Variants in ERBIN observed in about 807,000 individuals in gnomAD.
ERBIN encodes densin-180-like protein.
Under a neutral mutation model 158.4 loss-of-function variants are expected in ERBIN, and 60 were observed. That is an observed-to-expected ratio of 0.38 (90% CI 0.31 to 0.47). The LOEUF (loss-of-function observed/expected upper bound fraction) is 0.47. Among genes scored for constraint, ERBIN ranks in the 20% least tolerant of loss-of-function variants. The pLI is 0.99. For missense variants in ERBIN, 1,610 were observed against 1,648.0 expected (o/e 0.98, Z 0.40); for synonymous variants, 594 against 557.2 (o/e 1.07, Z -0.93).
chr5:65,957,264 A>T (rs1747266105), intron 1 of ERBIN, among the ~76,000 whole-genome samples: 2 of 150,620 alleles, frequency 1.3e-5, no homozygotes, highest in South Asian at 4.2e-4. Context: ...TGTTTCTCGC[A>T]GAGGGGGATT....
intron 14 of ERBIN, among the ~76,000 whole-genome samples, chr5:66,034,566 C>T (rs1025205776): frequency 1.6e-4 from 24 of 151,120 alleles, no homozygotes; most frequent in African/African-American, 4.4e-4. Context: ...GGATTACAGG[C>T]GTGAGCCACC....
chr5:66,072,104 G>A (rs536866524), intron 21 of ERBIN, 65 bp from the exon 22 acceptor site: 5 of 1,502,196 alleles, frequency 3.3e-6, no homozygotes, highest in African/African-American at 1.4e-5. Flanking sequence ...TCTCTCAAGT[G>A]TCATCCTCTT....
chr5:65,927,007 C>G (rs1439175925), intron 1 of ERBIN, among the ~76,000 whole-genome samples: 2 of 151,308 alleles, frequency 1.3e-5, no homozygotes, highest in Non-Finnish European at 2.9e-5. Flanking sequence ...GCCCCCCCCA[C>G]CATCTGGACT....
intron 1 of ERBIN, among the ~76,000 whole-genome samples, chr5:65,958,201 C>T (rs1459472522): frequency 6.6e-6 from 1 of 152,038 alleles, no homozygotes; most frequent in East Asian, 1.9e-4. Flanking sequence ...AGACGCTCCT[C>T]ACTTCCCAGA....
chr5:65,938,998 A>G lies in ERBIN; in HGVS notation c.-58+12192A>G, dbSNP rs556078620. Among the ~76,000 whole-genome samples the G allele has an allele frequency of 1.3e-3, 201 of 152,338 alleles. 1 individual carries two copies. In the Middle Eastern group the frequency reaches 0.034, roughly 26 times the overall value. On this transcript the variant is annotated intron_variant, in intron 1 of 25. Coordinates refer to ENST00000284037, the MANE Select transcript of ERBIN (RefSeq NM_001253697.2). ...TCTCTAAGAAATTAATACTAATTATAAACATTTTCTTTGAACTGCTTAGTA... is the reference window on the plus strand; with the variant it reads ...TCTCTAAGAAATTAATACTAATTATGAACATTTTCTTTGAACTGCTTAGTA...
chr5:65,929,203 T>A (rs932888290), intron 1 of ERBIN, among the ~76,000 whole-genome samples: 5 of 152,234 alleles, frequency 3.3e-5, no homozygotes, highest in Admixed American at 2.6e-4. Context: ...ACATATATCA[T>A]TGGCAAATCT....
At chr5:66,008,380 C>G (rs551636920) in intron 4 of ERBIN, among the ~76,000 whole-genome samples, 1 of 152,288 alleles carries the variant, frequency 6.6e-6, no homozygotes, top group East Asian at 1.9e-4. Context: ...GATCGCGCCA[C>G]TGCACTCCAG....
intron 1 of ERBIN, among the ~76,000 whole-genome samples, chr5:65,973,565 G>T (rs1160476688): frequency 6.6e-6 from 1 of 151,256 alleles, no homozygotes; most frequent in African/African-American, 2.5e-5. Context: ...CTCAAATCAG[G>T]TCATGCTTTT....
At chr5:65,973,253 T>C (rs1282687841) in intron 1 of ERBIN, among the ~76,000 whole-genome samples, 6 of 140,930 alleles carry the variant, frequency 4.3e-5, no homozygotes, top group Non-Finnish European at 9.1e-5. Context: ...GGGCCTGTTG[T>C]GGGGTGGGGG....
chr5:66,050,132 A>G (rs1194523113), intron 19 of ERBIN, among the ~76,000 whole-genome samples: 3 of 151,890 alleles, frequency 2.0e-5, no homozygotes, highest in South Asian at 4.1e-4. Flanking sequence ...CAGTTTTTCA[A>G]ATTGTAAATG....
At chr5:65,974,055 C>G (rs770410699) in intron 1 of ERBIN, among the ~76,000 whole-genome samples, 1 of 150,866 alleles carries the variant, frequency 6.6e-6, no homozygotes, top group Non-Finnish European at 1.5e-5. Context: ...GGCAACATAG[C>G]GAAACTCCAT....
At chr5:65,959,136 A>T (rs1328680278) in intron 1 of ERBIN, among the ~76,000 whole-genome samples, 1 of 152,216 alleles carries the variant, frequency 6.6e-6, no homozygotes, top group East Asian at 1.9e-4. Context: ...TTCCACTAAG[A>T]ATGCGATAAT....
intron 21 of ERBIN, among the ~76,000 whole-genome samples, chr5:66,057,122 A>G (rs988132532): frequency 6.6e-6 from 1 of 152,350 alleles, no homozygotes; most frequent in African/African-American, 2.4e-5. Flanking sequence ...TTTCAAAAAA[A>G]TTTTTTAAAA....
At chr5:66,018,472 ATT>A (rs1491386048) in intron 7 of ERBIN, among the ~76,000 whole-genome samples, 3 of 4,472 alleles carry the variant, frequency 6.7e-4, no homozygotes, top group African/African-American at 1.1e-3. Flanking sequence ...TATAATATAT[ATT>A]ATATATTATA....
At chr5:65,956,311 C>T (rs937661113) in intron 1 of ERBIN, among the ~76,000 whole-genome samples, 1 of 150,614 alleles carries the variant, frequency 6.6e-6, no homozygotes, top group African/African-American at 2.4e-5. Flanking sequence ...TGCATGCATT[C>T]ATTTACTTAT....
At chr5:66,055,040 T>C in intron 21 of ERBIN, 89 bp downstream of exon 21, 1 of 1,438,878 alleles carries the variant, frequency 6.9e-7, no homozygotes, top group Non-Finnish European at 9.1e-7. Context: ...GAATTACTGA[T>C]TATCTCTTTA....
chr5:65,990,550 C>T (rs552920213), intron 2 of ERBIN, among the ~76,000 whole-genome samples: 6 of 145,914 alleles, frequency 4.1e-5, no homozygotes, highest in Non-Finnish European at 8.8e-5. Context: ...GGCAGCTACT[C>T]GGGAGGCTGA....
Position 66,054,746 on chromosome 5 carries a change from A to G in ERBIN, c.3428A>G (p.Gln1143Arg), listed in dbSNP as rs764221898. The G allele has an allele frequency of 6.2e-7, 1 of 1,614,190 alleles. No individual in the cohort carries two copies. Among genetic ancestry groups the G allele is most frequent in the Non-Finnish European group, 8.5e-7 (1 of 1,180,018 alleles). ...SIDGPNASRP[Q>R]SARPSINEIP... ...GATGGTCCAAATGCATCAAGACCTC[A>G]GAGTGCTCGACCCTCTATTAATGAA... The change falls in exon 21 of 26, where the codon CAG becomes CGG. Residue 1143 changes from glutamine to arginine, a missense_variant. Around this residue, in one of 2 missense-constraint regions of ERBIN, gnomAD observed 1,014 missense variants for 936.1 expected, o/e 1.08. Transcript: ENST00000284037.
At chr5:65,988,575 C>T (rs181529114) in intron 1 of ERBIN, 60 bp from the exon 2 acceptor site, 1 of 152,184 alleles carries the variant, frequency 6.6e-6, no homozygotes, top group East Asian at 1.9e-4. Context: ...AGAGATGTTC[C>T]TTAAAGTCAT....
Sources: gnomAD v4.1 joint callset for allele counts (sites outside exome capture counted in the v4.1 genomes callset) on GRCh38, gnomAD v4.1.1 for gene constraint, gnomAD v4.1.1 regional missense constraint, MANE v1.5 for transcripts, NCBI Gene and HGNC (gene_info 2026-07-23, HGNC 2026-07-21) for gene names.